Variants in NAALADL2 observed in about 807,000 individuals in gnomAD.
The protein encoded by NAALADL2 is inactive N-acetylated-alpha-linked acidic dipeptidase-like protein 2.
In NAALADL2, 76 loss-of-function variants were observed where a neutral mutation model predicts 87.2. The observed-to-expected ratio is 0.87, with a 90% CI of 0.72 to 1.05. NAALADL2 has a LOEUF of 1.05. NAALADL2 is among the 50% of genes least tolerant of loss of function. NAALADL2 has a pLI of 0.00. For synonymous variants in NAALADL2, 354 were observed against 331.0 expected, an observed-to-expected ratio of 1.07 and a Z score of -0.75; for missense variants, 1,089 against 945.8, an observed-to-expected ratio of 1.15 and a Z score of -1.99.
At chr3:174,959,473 C>G (rs1579729470) in intron 1 of NAALADL2, among the ~76,000 whole-genome samples, 1 of 151,934 alleles carries the variant, frequency 6.6e-6, no homozygotes, top group Non-Finnish European at 1.5e-5. Flanking sequence ...CAGAGGGGCA[C>G]TAGTGCGGTG....
intron 11 of NAALADL2, among the ~76,000 whole-genome samples, chr3:175,631,119 C>T (rs867713100): frequency 6.6e-6 from 1 of 151,558 alleles, no homozygotes; most frequent in Non-Finnish European, 1.5e-5. Context: ...CAATGAGTAA[C>T]TCTTTTTCTT....
intron 10 of NAALADL2, among the ~76,000 whole-genome samples, chr3:175,619,606 T>C (rs940857208): frequency 6.6e-6 from 1 of 151,974 alleles, no homozygotes; most frequent in Non-Finnish European, 1.5e-5. Flanking sequence ...CTTCTAAGAA[T>C]AGACAGAAAC....
At chr3:175,226,667 C>T (rs1014272692) in intron 2 of NAALADL2, among the ~76,000 whole-genome samples, 8 of 152,150 alleles carry the variant, frequency 5.3e-5, no homozygotes, top group Admixed American at 5.2e-4. Context: ...TAATAGTAGA[C>T]ATTTAATATA....
intron 1 of NAALADL2, among the ~76,000 whole-genome samples, chr3:174,445,817 G>A (rs549298625): frequency 6.6e-6 from 1 of 151,938 alleles, no homozygotes; most frequent in Non-Finnish European, 1.5e-5. Context: ...AAAAACATGC[G>A]ATTATATGAG....
intron 2 of NAALADL2, among the ~76,000 whole-genome samples, chr3:175,170,374 C>G (rs1487527220): frequency 6.7e-6 from 1 of 148,492 alleles, no homozygotes; most frequent in Non-Finnish European, 1.5e-5. Flanking sequence ...CAAAAATTGT[C>G]ATTGGTTACT....
intron 1 of NAALADL2, among the ~76,000 whole-genome samples, chr3:174,922,741 C>T (rs1735422489): frequency 6.6e-6 from 1 of 152,128 alleles, no homozygotes; most frequent in Non-Finnish European, 1.5e-5. Flanking sequence ...GAATTTTTCT[C>T]ACTATTGAAA....
intron 5 of NAALADL2, among the ~76,000 whole-genome samples, chr3:175,372,492 GCT>G (rs1313746875): frequency 6.6e-6 from 1 of 152,170 alleles, no homozygotes; most frequent in Admixed American, 6.5e-5. Context: ...TTAGACCCAA[GCT>G]CTCTGTCTTT....
At chr3:175,656,894 G>T (rs1731541803) in intron 11 of NAALADL2, among the ~76,000 whole-genome samples, 1 of 152,114 alleles carries the variant, frequency 6.6e-6, no homozygotes, top group African/African-American at 2.4e-5. Flanking sequence ...TGCCTTGAAT[G>T]AATACATCTT....
chr3:175,034,106 A>G (rs1753115212), intron 1 of NAALADL2, among the ~76,000 whole-genome samples: 1 of 152,136 alleles, frequency 6.6e-6, no homozygotes, highest in Admixed American at 6.5e-5. Flanking sequence ...AATCCATGAG[A>G]AAATCTTGTT....
At chr3:174,712,131 A>G (rs1578642263) in intron 2 of NAALADL2, among the ~76,000 whole-genome samples, 2 of 151,818 alleles carry the variant, frequency 1.3e-5, no homozygotes, top group Non-Finnish European at 2.9e-5. Context: ...CTTCTTTCTC[A>G]CCCTTGTCCC....
chr3:174,939,125 G>GT (rs1334020764), intron 1 of NAALADL2, among the ~76,000 whole-genome samples: 3 of 152,094 alleles, frequency 2.0e-5, no homozygotes, highest in Admixed American at 6.5e-5. Flanking sequence ...GTCTTCCAGG[G>GT]TTTTTATAGT....
At chr3:174,475,431 T>A (rs796574433) in intron 1 of NAALADL2, among the ~76,000 whole-genome samples, 1 of 147,756 alleles carries the variant, frequency 6.8e-6, no homozygotes, top group African/African-American at 2.5e-5. Context: ...ATAAAAATAA[T>A]GAGTTTAATT....
chr3:175,292,851 C>G (rs1200688131), intron 4 of NAALADL2, among the ~76,000 whole-genome samples: 1 of 151,740 alleles, frequency 6.6e-6, no homozygotes, highest in Non-Finnish European at 1.5e-5. Flanking sequence ...TCCTGGCTAA[C>G]ACGGTGAAAC....
chr3:174,990,118 G>A (rs949295618), intron 1 of NAALADL2, among the ~76,000 whole-genome samples: 1 of 152,116 alleles, frequency 6.6e-6, no homozygotes, highest in East Asian at 1.9e-4. Context: ...TCTTGAAATA[G>A]CGTTAGAGAA....
intron 2 of NAALADL2, among the ~76,000 whole-genome samples, chr3:175,162,528 C>T (rs1389431330): frequency 4.6e-5 from 7 of 152,042 alleles, no homozygotes; most frequent in African/African-American, 1.2e-4. Flanking sequence ...TGATTGATTG[C>T]GTCTCCTTCT....
intron 4 of NAALADL2, among the ~76,000 whole-genome samples, chr3:175,297,372 C>T (rs1461245304): frequency 6.6e-6 from 1 of 152,114 alleles, no homozygotes; most frequent in Non-Finnish European, 1.5e-5. Flanking sequence ...TAGTTTTTTC[C>T]ATGAGTGTTG....
chr3:174,717,278 T>C (rs1731277492), intron 2 of NAALADL2, among the ~76,000 whole-genome samples: 1 of 152,084 alleles, frequency 6.6e-6, no homozygotes, highest in Admixed American at 6.6e-5. Context: ...AGAGACTCAT[T>C]ATAAAGCTGA....
At chr3:175,354,503 TA>T (rs1298734974) in intron 5 of NAALADL2, among the ~76,000 whole-genome samples, 1 of 152,178 alleles carries the variant, frequency 6.6e-6, no homozygotes, top group Non-Finnish European at 1.5e-5. Context: ...TATTACACTC[TA>T]AAAAATGTTG....
intron 1 of NAALADL2, among the ~76,000 whole-genome samples, chr3:175,093,595 A>G (rs942491380): frequency 6.7e-6 from 1 of 149,366 alleles, no homozygotes; most frequent in Non-Finnish European, 1.5e-5. Flanking sequence ...TATTTGATAT[A>G]TAAAATATAT....
Sources: allele counts gnomAD v4.1 joint callset (sites outside exome capture counted in the v4.1 genomes callset), GRCh38; gene constraint gnomAD v4.1.1; transcripts MANE v1.5; gene names NCBI Gene and HGNC (gene_info 2026-07-23, HGNC 2026-07-21).